Variants in MAEL observed in about 807,000 individuals in gnomAD.
MAEL encodes maelstrom spermatogenic transposon silencer.
Under a neutral mutation model 62.0 loss-of-function variants are expected in MAEL, and 46 were observed. That is an observed-to-expected ratio of 0.74 (90% confidence interval 0.59 to 0.95). The LOEUF (loss-of-function observed/expected upper bound fraction) is 0.95, where lower values mean the gene tolerates loss of function less well. MAEL is among the 40% of genes least tolerant of loss of function. The pLI is 0.00. For missense variants in MAEL, 497 were observed against 526.8 expected (o/e 0.94, Z 0.55); for synonymous variants, 172 against 175.5 (o/e 0.98, Z 0.16).
intron 9 of MAEL, among the ~76,000 whole-genome samples, chr1:167,016,875 C>T (rs1041700362): frequency 1.3e-5 from 2 of 151,968 alleles, no homozygotes; most frequent in African/African-American, 4.8e-5. Context: ...TGAAATAAGC[C>T]AGGCACAGGA....
In MAEL at chr1:167,022,089, A is replaced by C. The variant is rs1665658515; in HGVS notation, c.*234A>C. 2.3e-6 allele frequency: 1 copy of C among 428,948 alleles called. No individual in the cohort carries two copies. The highest frequency in any genetic ancestry group is 4.3e-5 in the South Asian group (1 of 23,342). 26.6% of individuals were successfully genotyped at this position (428,948 alleles called of 1,614,324 possible). ...CTGGCTGTATGATGGGTATATCATT[A>C]AAGTTTGGAGTCCTATATGAACAAA... On this transcript the variant is annotated 3_prime_UTR_variant, in exon 12 of 12. Transcript: ENST00000367872.
intron 1 of MAEL, among the ~76,000 whole-genome samples, chr1:166,977,770 G>A (rs1049908854): frequency 9.3e-5 from 14 of 150,470 alleles, no homozygotes; most frequent in Admixed American, 2.6e-4. Context: ...TGAGTAACAT[G>A]GTGAAACCCC....
upstream of MAEL, among the ~76,000 whole-genome samples, chr1:166,986,912 G>A (rs1197126093): frequency 6.6e-6 from 1 of 150,596 alleles, no homozygotes; most frequent in African/African-American, 2.4e-5. Context: ...AAATCTGGAA[G>A]GCATAAATAA....
chr1:166,989,673 G>A (rs907917395), intron 1 of MAEL, 64 bp from the exon 2 acceptor site: 31 of 1,531,172 alleles, frequency 2.0e-5, no homozygotes, highest in African/African-American at 2.7e-5. Context: ...GCATCTGCCT[G>A]CGGGCCCTAG....
At chr1:167,008,358 A>G (rs1190182143) in intron 8 of MAEL, among the ~76,000 whole-genome samples, 1 of 151,980 alleles carries the variant, frequency 6.6e-6, no homozygotes, top group East Asian at 1.9e-4. Context: ...GGTAATCTGT[A>G]TGTTTCTAGA....
At position 167,004,315 on chromosome 1, in the gene MAEL, G is replaced by T. The variant is rs763258361; in HGVS notation, c.648+11G>T. 5 of 1,579,362 alleles carry T rather than the reference G, an allele frequency of 3.2e-6. No homozygotes were observed. The highest frequency in any genetic ancestry group is 4.3e-6 in the Non-Finnish European group (5 of 1,168,204). On this transcript the variant is annotated intron_variant, in intron 6 of 11. Coordinates refer to ENST00000367872, the MANE Select transcript of MAEL (RefSeq NM_032858.3). ...CCTATCTACTGCAAGGTAATTTCAG[G>T]TTAAGAAGTTCTTTTAAGGTATCAA... is the stretch of plus-strand genomic sequence containing the variant.
chr1:167,016,220 A>G lies in MAEL; in HGVS notation c.846-2A>G. 1 of 1,613,444 alleles carries G rather than the reference A, an allele frequency of 6.2e-7. No homozygotes were observed. On this transcript the variant is annotated splice_acceptor_variant, in intron 8 of 11. Coordinates refer to ENST00000367872, the MANE Select transcript of MAEL (RefSeq NM_032858.3). LOFTEE classifies it high-confidence loss of function. ...GATATTAAAGTCCATTTTTTTGTAC[A>G]GGTGCAAGTGGCATGAAGAAAATGA... is the stretch of plus-strand genomic sequence containing the variant.
chr1:167,010,367 CCTT>C (rs1665116799), intron 8 of MAEL, among the ~76,000 whole-genome samples: 1 of 152,054 alleles, frequency 6.6e-6, no homozygotes, highest in Non-Finnish European at 1.5e-5. Flanking sequence ...TTTTTCCCCT[CCTT>C]CATGTTTTTT....
At chr1:167,011,859 G>A (rs1411809581) in intron 8 of MAEL, among the ~76,000 whole-genome samples, 1 of 152,160 alleles carries the variant, frequency 6.6e-6, no homozygotes, top group Non-Finnish European at 1.5e-5. Flanking sequence ...TCAAGAAAAT[G>A]TGTTTTATAA....
intron 5 of MAEL, among the ~76,000 whole-genome samples, chr1:167,001,355 C>T (rs1664658451): frequency 6.6e-6 from 1 of 152,160 alleles, no homozygotes; most frequent in Admixed American, 6.5e-5. Context: ...CACAAGTCAC[C>T]ACTAAAGAAC....
chr1:167,009,110 A>G (rs552655158), intron 8 of MAEL, among the ~76,000 whole-genome samples: 2 of 152,170 alleles, frequency 1.3e-5, no homozygotes, highest in South Asian at 4.1e-4. Flanking sequence ...TCCAGTTGAT[A>G]TGTCTTGTGT....
At chr1:166,993,734 G>A (rs939893535) in intron 4 of MAEL, among the ~76,000 whole-genome samples, 6 of 152,080 alleles carry the variant, frequency 3.9e-5, no homozygotes, top group African/African-American at 9.7e-5. Flanking sequence ...GACCCCCTGA[G>A]GCCCATTCAT....
In MAEL at chr1:166,991,362, T is replaced by C; in HGVS notation, c.226-16T>C. 6.4e-7 allele frequency: 1 copy of C among 1,554,290 alleles called. No homozygotes were observed. The stretch of plus-strand genomic sequence containing the variant: ...CAGCAAGAGTTTATGTGGCCAATCA[T>C]TCTCTTCCTCTTTAGAAACCTGTTT... On this transcript the variant is annotated splice_polypyrimidine_tract_variant and intron_variant, in intron 2 of 11. Coordinates refer to ENST00000367872, the MANE Select transcript of MAEL (RefSeq NM_032858.3).
intron 8 of MAEL, chr1:167,005,877 C>G (rs1664873379): frequency 6.6e-6 from 1 of 152,172 alleles, no homozygotes; most frequent in Admixed American, 6.5e-5. Context: ...TTTTTCAAAA[C>G]CACTTGAGGG....
chr1:166,977,014 A>C (rs1663608552), intron 1 of MAEL, among the ~76,000 whole-genome samples: 1 of 152,204 alleles, frequency 6.6e-6, no homozygotes, highest in Non-Finnish European at 1.5e-5. Context: ...CAAGTGGTGG[A>C]TATAAGAAAC....
intron 8 of MAEL, among the ~76,000 whole-genome samples, chr1:167,009,092 A>G (rs750911466): frequency 6.6e-6 from 1 of 152,068 alleles, no homozygotes; most frequent in Admixed American, 6.6e-5. Context: ...TTCTTTAGGT[A>G]TATTTTATCC....
At chr1:166,984,167 A>G (rs2102060124), upstream of MAEL, among the ~76,000 whole-genome samples, 1 of 152,212 alleles carries the variant, frequency 6.6e-6, no homozygotes, top group Middle Eastern at 3.4e-3. Context: ...CTCAAGCCAA[A>G]ATCCTAGGAC....
intron 5 of MAEL, among the ~76,000 whole-genome samples, chr1:166,999,643 A>G (rs1429962912): frequency 6.6e-6 from 1 of 152,202 alleles, no homozygotes; most frequent in Non-Finnish European, 1.5e-5. Flanking sequence ...GCTACAGCAA[A>G]TGGCAGATTT....
intron 1 of MAEL, among the ~76,000 whole-genome samples, chr1:166,977,055 A>AGGC (rs1338257689): frequency 6.6e-6 from 1 of 152,172 alleles, no homozygotes; most frequent in Non-Finnish European, 1.5e-5. Flanking sequence ...TTTGTCACTG[A>AGGC]GGCAGCAGCA....
Sources: allele counts gnomAD v4.1 joint callset (sites outside exome capture counted in the v4.1 genomes callset), GRCh38; gene constraint gnomAD v4.1.1; transcripts MANE v1.5; gene names NCBI Gene and HGNC (gene_info 2026-07-23, HGNC 2026-07-21).